The following SUGCT variants were observed in gnomAD, a reference collection of about 807,000 sequenced individuals.
The protein encoded by SUGCT is succinyl-CoA:glutarate CoA-transferase.
In SUGCT, 41 loss-of-function variants were observed where a neutral mutation model predicts 55.0. The observed-to-expected ratio is 0.74, with a 90% CI of 0.58 to 0.97. SUGCT has a LOEUF of 0.97. Among genes scored for constraint, SUGCT ranks in the 50% least tolerant of loss-of-function variants. The pLI, the probability that SUGCT is intolerant of heterozygous loss-of-function variation, is 0.00. For synonymous variants in SUGCT, 187 were observed against 200.4 expected (o/e 0.93, Z 0.56); for missense variants, 568 against 547.8 (o/e 1.04, Z -0.37).
chr7:40,973,763 CCTTTA>C, the SUGCT span, among the ~76,000 whole-genome samples: 5 of 152,262 alleles, frequency 3.3e-5, no homozygotes, highest in Admixed American at 2.0e-4. Flanking sequence ...AAATATCTGA[CCTTTA>C]CTTCAATCAC....
At chr7:40,623,757 T>C (rs1799384457) in intron 12 of SUGCT, among the ~76,000 whole-genome samples, 1 of 152,064 alleles carries the variant, frequency 6.6e-6, no homozygotes, top group African/African-American at 2.4e-5. Flanking sequence ...CATTCCAGTG[T>C]GTAATCAATA....
chr7:40,365,153 G>A (rs1194209059), intron 9 of SUGCT, among the ~76,000 whole-genome samples: 2 of 152,146 alleles, frequency 1.3e-5, no homozygotes, highest in Non-Finnish European at 2.9e-5. Context: ...CAGAACCAAA[G>A]ACAAAAACCA....
At chr7:40,717,977 A>G (rs1786116002) in intron 12 of SUGCT, among the ~76,000 whole-genome samples, 1 of 152,186 alleles carries the variant, frequency 6.6e-6, no homozygotes, top group African/African-American at 2.4e-5. Flanking sequence ...ATAATAGCAC[A>G]ATAATGAAAA....
intron 7 of SUGCT, among the ~76,000 whole-genome samples, chr7:40,244,558 T>C (rs1467718175): frequency 6.6e-6 from 1 of 152,178 alleles, no homozygotes; most frequent in African/African-American, 2.4e-5. Flanking sequence ...AAAGCTGTGC[T>C]TCGTAAGATT....
At chr7:40,267,365 A>G (rs1416988838) in intron 7 of SUGCT, among the ~76,000 whole-genome samples, 1 of 152,204 alleles carries the variant, frequency 6.6e-6, no homozygotes, top group African/African-American at 2.4e-5. Flanking sequence ...TGTACTATCA[A>G]TTTCTAGAGC....
intron 9 of SUGCT, among the ~76,000 whole-genome samples, chr7:40,430,138 G>A (rs1161346741): frequency 6.6e-6 from 1 of 152,150 alleles, no homozygotes; most frequent in Admixed American, 6.6e-5. Flanking sequence ...GGGAGTGTAG[G>A]TATCTTCACA....
At chr7:40,366,127 G>A (rs140704587) in intron 9 of SUGCT, among the ~76,000 whole-genome samples, 42,655 of 151,954 alleles carry the variant, frequency 0.28, 7,228 homozygotes, top group South Asian at 0.39. Flanking sequence ...ACAACTATCC[G>A]ATCTTTGACA....
At chr7:40,157,838 T>A (rs1329167023) in intron 1 of SUGCT, among the ~76,000 whole-genome samples, 3 of 152,192 alleles carry the variant, frequency 2.0e-5, no homozygotes, top group Non-Finnish European at 4.4e-5. Flanking sequence ...AATAATGATC[T>A]CATTGATAAA....
chr7:40,817,882 T>C (rs1003188909), intron 13 of SUGCT, among the ~76,000 whole-genome samples: 2 of 152,046 alleles, frequency 1.3e-5, no homozygotes, highest in Non-Finnish European at 2.9e-5. Flanking sequence ...TAGAAGGAGG[T>C]AGTGATCTGC....
intron 12 of SUGCT, among the ~76,000 whole-genome samples, chr7:40,639,737 T>G (rs1800184854): frequency 6.6e-6 from 1 of 151,198 alleles, no homozygotes; most frequent in South Asian, 2.1e-4. Flanking sequence ...GTTCTCGAAC[T>G]CCTGACCTCA....
chr7:40,209,972 G>T (rs1021816960), intron 6 of SUGCT, among the ~76,000 whole-genome samples: 2 of 152,258 alleles, frequency 1.3e-5, no homozygotes, highest in African/African-American at 4.8e-5. Context: ...AAATAGTAGT[G>T]TGGGACAAAT....
intron 9 of SUGCT, among the ~76,000 whole-genome samples, chr7:40,327,982 T>A (rs12701818): frequency 0.58 from 88,136 of 152,066 alleles, 25,704 homozygotes; most frequent in South Asian, 0.71. Flanking sequence ...GGGTCACAAG[T>A]CCATGGTATA....
At chr7:40,816,183 T>C (rs1273133542) in intron 13 of SUGCT, among the ~76,000 whole-genome samples, 4 of 152,210 alleles carry the variant, frequency 2.6e-5, no homozygotes, top group South Asian at 2.1e-4. Flanking sequence ...TGGAGGCCCC[T>C]ACCCCACTCC....
Position 40,333,702 on chromosome 7 carries a change from TAA to T in SUGCT, c.816+16849_816+16850del, listed in dbSNP as rs1208680192. 8.0e-3 allele frequency among the ~76,000 whole-genome samples: 873 copies of T among 108,628 alleles called. 15 individuals carry two copies. Among genetic ancestry groups the T allele is most frequent in the Non-Finnish European group, 0.013 (691 of 53,896 alleles). 71.3% of individuals were successfully genotyped at this position (108,628 alleles called of 152,430 possible). ...ATATATATATATATATATATATATATAAATATTTATAAAATACACACATATAT... is the reference window on the plus strand; with the variant it reads ...ATATATATATATATATATATATATATATATTTATAAAATACACACATATAT... On this transcript the variant is annotated intron_variant, in intron 9 of 13. Coordinates refer to ENST00000335693, the MANE Select transcript of SUGCT (RefSeq NM_001193313.2).
intron 7 of SUGCT, among the ~76,000 whole-genome samples, chr7:40,251,604 A>C (rs997220064): frequency 6.6e-6 from 1 of 152,148 alleles, no homozygotes; most frequent in Non-Finnish European, 1.5e-5. Context: ...CTCCCACATG[A>C]AGGTACGTGG....
At chr7:40,949,961 A>G in the SUGCT span, among the ~76,000 whole-genome samples, 1 of 152,152 alleles carries the variant, frequency 6.6e-6, no homozygotes, top group East Asian at 1.9e-4. Context: ...TACCATATGA[A>G]CTTTAAAGTA....
intron 9 of SUGCT, among the ~76,000 whole-genome samples, chr7:40,448,214 TTCCCTCCCTCCCTCCC>T (rs373133382): frequency 8.9e-5 from 9 of 100,690 alleles, no homozygotes; most frequent in Admixed American, 2.1e-4. Flanking sequence ...CCTCTCCCAG[TTCCCTCCCTCCCTCCC>T]TCCCTCCCTC....
chr7:40,798,329 ACT>A (rs1172226160), intron 13 of SUGCT, among the ~76,000 whole-genome samples: 10 of 152,114 alleles, frequency 6.6e-5, no homozygotes, highest in Admixed American at 5.2e-4. Context: ...CAAAAGAATA[ACT>A]CTGGCTCTTT....
intron 12 of SUGCT, among the ~76,000 whole-genome samples, chr7:40,671,423 T>C (rs752061330): frequency 1.2e-4 from 19 of 152,160 alleles, no homozygotes; most frequent in Admixed American, 2.6e-4. Context: ...ATAAAAGATA[T>C]GTGAATTGGA....
Sources: gnomAD v4.1 joint callset for allele counts (sites outside exome capture counted in the v4.1 genomes callset) on GRCh38, gnomAD v4.1.1 for gene constraint, MANE v1.5 for transcripts, NCBI Gene and HGNC (gene_info 2026-07-23, HGNC 2026-07-21) for gene names.